Variants in KIFC3 observed in about 807,000 individuals in gnomAD.
KIFC3 encodes kinesin-like protein KIFC3.
Under a neutral mutation model 101.8 loss-of-function variants are expected in KIFC3, and 60 were observed. The observed-to-expected ratio is 0.59, with a 90% CI of 0.48 to 0.73. The LOEUF is 0.73. KIFC3 is among the 30% of genes least tolerant of loss of function. The pLI, the probability that KIFC3 is intolerant of heterozygous loss-of-function variation, is 0.00. For missense variants in KIFC3, 966 were observed against 1,137.1 expected (o/e 0.85, Z 2.16); for synonymous variants, 476 against 482.7 (o/e 0.99, Z 0.18).
rs2055538975 is a variant in KIFC3 at position 57,829,924 on chromosome 16, C to G, written c.109-31642G>C. On this transcript the variant is annotated intron_variant, in intron 1 of 2. Transcript: ENST00000563028. ...AGGAGCTACATTTCTGGGGCCAAGT[C>G]ATTCATAAGAGAAGAGGAACAAGGC... is the stretch of plus-strand genomic sequence containing the variant. Among the ~76,000 whole-genome samples the G allele has an allele frequency of 1.3e-5, 2 of 152,204 alleles. 1 individual carries two copies. The highest frequency in any genetic ancestry group is 4.1e-4 in the South Asian group (2 of 4,830).
At position 57,758,842 on chromosome 16, in the gene KIFC3, G is replaced by A; in HGVS notation, c.*92C>T. ...GGTCCTGGCGCTGCAGCAGGGACAG[G>A]CCAGTGAGGGCCCAGCTTCAGGCCC... On this transcript the variant is annotated 3_prime_UTR_variant, in exon 20 of 20. Coordinates refer to ENST00000445690, the MANE Select transcript of KIFC3 (RefSeq NM_001130100.2). 1.2e-6 allele frequency: 2 copies of A among 1,608,842 alleles called. No homozygotes were observed. Among genetic ancestry groups the A allele is most frequent in the East Asian group, 4.5e-5 (2 of 44,842 alleles).
At chr16:57,797,710 T>C in intron 2 of KIFC3, 1 of 1,150,856 alleles carries the variant, frequency 8.7e-7, no homozygotes, top group Non-Finnish European at 1.1e-6. Context: ...CCTACCTTGT[T>C]TACCAGCCTG....
intron 2 of KIFC3, 30 bp downstream of exon 2, chr16:57,798,042 T>G: frequency 6.4e-7 from 1 of 1,573,532 alleles, no homozygotes; most frequent in South Asian, 1.2e-5. Flanking sequence ...GGAAGGGAAA[T>G]AAAGAGGCAT....
At position 57,765,441 on chromosome 16, in the gene KIFC3, G is replaced by A. The variant is rs782462621; in HGVS notation, c.1512+18C>T. ...CTCTCTCCCTTGCTTTCCCTTTCCC[G>A]CATGGGGCCACACTCACGTCCTGCT... On this transcript the variant is annotated intron_variant, in intron 11 of 19. Transcript: ENST00000445690. 1.4e-5 allele frequency: 22 copies of A among 1,555,376 alleles called. No homozygotes were observed. The highest frequency in any genetic ancestry group is 2.3e-5 in the East Asian group (1 of 42,748).
chr16:57,771,562 G>C lies in KIFC3; in HGVS notation c.506C>G (p.Pro169Arg). The part of the protein sequence containing the change: ...ELRTKPAGPC[P>R]GCEHSQESAQ... ...GCTCACCTGGCTGTGCTCACAACCT[G>C]GGCAGGGACCTGCTGGCTTTGTGCG... The change falls in exon 5 of 20, where the codon CCA (proline) becomes CGA (arginine). Residue 169 changes from proline (P) to arginine (R), a missense_variant. By Grantham distance (103) the Pro-to-Arg change is moderately radical. Transcript: ENST00000445690. 3 of 1,613,358 alleles carry C rather than the reference G, an allele frequency of 1.9e-6. No homozygotes were observed. The highest frequency in any genetic ancestry group is 2.5e-6 in the Non-Finnish European group (3 of 1,179,912).
At position 57,799,005 on chromosome 16, in the gene KIFC3, T is replaced by A. The variant is rs1386309706; in HGVS notation, c.-39-723A>T. Among the ~76,000 whole-genome samples the A allele has an allele frequency of 2.0e-5, 3 of 151,982 alleles. No individual in the cohort carries two copies. The East Asian group carries it at 5.8e-4, about 29-fold the overall frequency. On this transcript the variant is annotated intron_variant, in intron 1 of 19. Transcript: ENST00000445690. ...AGAGATGAGGCCTGAAAACTCCCAGTCAGAAGGGAGATAAACACTTCAAAA... is the reference window on the plus strand; with the variant it reads ...AGAGATGAGGCCTGAAAACTCCCAGACAGAAGGGAGATAAACACTTCAAAA...
At chr16:57,775,665 T>C in intron 3 of KIFC3, 1 of 985,512 alleles carries the variant, frequency 1.0e-6, no homozygotes, top group Non-Finnish European at 1.2e-6. Flanking sequence ...TCCATGTCTC[T>C]AAGCCCAACA....
intron 1 of KIFC3, among the ~76,000 whole-genome samples, chr16:57,821,326 C>G (rs904335019): frequency 1.3e-5 from 2 of 152,088 alleles, no homozygotes; most frequent in Non-Finnish European, 2.9e-5. Context: ...GGAGAATGAC[C>G]AGACCTTGCG....
intron 1 of KIFC3, among the ~76,000 whole-genome samples, chr16:57,853,651 A>G (rs1436700109): frequency 2.0e-5 from 3 of 152,086 alleles, no homozygotes; most frequent in Non-Finnish European, 4.4e-5. Flanking sequence ...TTTATTTTTG[A>G]GACAAAGTCT....
chr16:57,813,488 C>T (rs2055142715), intron 1 of KIFC3, among the ~76,000 whole-genome samples: 1 of 152,158 alleles, frequency 6.6e-6, no homozygotes, highest in African/African-American at 2.4e-5. Context: ...CTCCACGCCT[C>T]CCTGTCCTAT....
chr16:57,798,226 C>A lies in KIFC3; in HGVS notation c.18G>T (p.Arg6Ser). The A allele has an allele frequency of 6.4e-7, 1 of 1,550,728 alleles. No individual in the cohort carries two copies. The highest frequency in any genetic ancestry group is 8.7e-7 in the Non-Finnish European group (1 of 1,148,002). The change falls in exon 2 of 20, where the codon AGG becomes AGT. Residue 6 changes from arginine to serine, a missense_variant. Arg to Ser is a moderately radical substitution (Grantham distance 110). Around this residue, in one of 2 missense-constraint regions of KIFC3, gnomAD observed 277 missense variants for 252.5 expected, o/e 1.10. Transcript: ENST00000445690. ...AGGGCGTGGCTCCCAGGTTCCACGT[C>A]CTGCGAGAGGGGACCATGGCCTGGG... MVPSR[R>S]TWNLGATPSL...
intron 1 of KIFC3, among the ~76,000 whole-genome samples, chr16:57,817,133 C>T (rs1419021224): frequency 1.3e-5 from 2 of 152,068 alleles, no homozygotes; most frequent in Non-Finnish European, 2.9e-5. Flanking sequence ...CTGAGGCGGG[C>T]AGATAACCTG....
chr16:57,811,213 G>T (rs918843110), intron 1 of KIFC3, among the ~76,000 whole-genome samples: 5 of 152,214 alleles, frequency 3.3e-5, no homozygotes, highest in Non-Finnish European at 7.3e-5. Flanking sequence ...CTGGGAGGGA[G>T]AATGATGAGT....
At chr16:57,823,368 A>G (rs2055390635) in intron 1 of KIFC3, among the ~76,000 whole-genome samples, 1 of 152,100 alleles carries the variant, frequency 6.6e-6, no homozygotes, top group South Asian at 2.1e-4. Context: ...TGTCTCCCTA[A>G]AATGTATACA....
chr16:57,770,494 G>A, intron 7 of KIFC3, 33 bp downstream of exon 7: 4 of 1,361,204 alleles, frequency 2.9e-6, no homozygotes, highest in Non-Finnish European at 3.8e-6. Flanking sequence ...CTGGCTTCCT[G>A]GCTGGGCATG....
chr16:57,816,280 C>G (rs2149268876), intron 1 of KIFC3: 1 of 1,284,578 alleles, frequency 7.8e-7, no homozygotes, highest in Middle Eastern at 2.1e-4. Context: ...GCCCCAAACC[C>G]AGAAGCCTGA....
intron 10 of KIFC3, 42 bp downstream of exon 10, chr16:57,766,832 G>T: frequency 1.4e-6 from 2 of 1,447,558 alleles, no homozygotes; most frequent in Non-Finnish European, 1.9e-6. Flanking sequence ...CCAGGTCGAG[G>T]ACCCCGAGGC....
chr16:57,840,370 A>C (rs977418643), intron 1 of KIFC3, among the ~76,000 whole-genome samples: 2 of 152,092 alleles, frequency 1.3e-5, no homozygotes, highest in Non-Finnish European at 2.9e-5. Flanking sequence ...TGCCAGACAC[A>C]GTGGCTCATC....
chr16:57,815,901 C>T (rs782793584), intron 1 of KIFC3, among the ~76,000 whole-genome samples: 3 of 152,226 alleles, frequency 2.0e-5, no homozygotes, highest in East Asian at 1.9e-4. Context: ...TGCCCTGTGG[C>T]GAGTGCTGCC....
Sources: allele counts gnomAD v4.1 joint callset (sites outside exome capture counted in the v4.1 genomes callset), GRCh38; gene constraint gnomAD v4.1.1; regional missense constraint gnomAD v4.1.1; transcripts MANE v1.5; gene names NCBI Gene and HGNC (gene_info 2026-07-23, HGNC 2026-07-21).